PABPC4L: variants seen among roughly 807,000 people sequenced by gnomAD.
PABPC4L encodes the protein poly(A) binding protein cytoplasmic 4 like, also known as polyadenylate-binding protein 4-like.
For synonymous variants in PABPC4L, 169 were observed against 164.1 expected, an observed-to-expected ratio of 1.03 and a Z score of -0.23; for missense variants, 452 against 451.4, an observed-to-expected ratio of 1.00 and a Z score of -0.01.
At chr4:134,157,660 A>G in the PABPC4L span, among the ~76,000 whole-genome samples, 1 of 151,782 alleles carries the variant, frequency 6.6e-6, no homozygotes, top group African/African-American at 2.4e-5. Flanking sequence ...CTTGGCATCA[A>G]TTTTGTACTT....
the PABPC4L span, among the ~76,000 whole-genome samples, chr4:133,970,035 A>T: frequency 2.0e-5 from 3 of 147,108 alleles, no homozygotes; most frequent in Admixed American, 1.4e-4. Flanking sequence ...AAATATATAT[A>T]TATTTATTTA....
At chr4:134,064,100 C>T in the PABPC4L span, among the ~76,000 whole-genome samples, 3 of 151,908 alleles carry the variant, frequency 2.0e-5, no homozygotes, top group South Asian at 2.1e-4. Context: ...AACTTATTCT[C>T]CACGATAATT....
the PABPC4L span, among the ~76,000 whole-genome samples, chr4:134,134,027 A>C: frequency 6.6e-6 from 1 of 152,066 alleles, no homozygotes; most frequent in Non-Finnish European, 1.5e-5. Context: ...TATTTTGCCT[A>C]TTTAAGCCAT....
chr4:134,115,201 A>T, the PABPC4L span, among the ~76,000 whole-genome samples: 18 of 152,038 alleles, frequency 1.2e-4, no homozygotes, highest in East Asian at 2.3e-3. Flanking sequence ...ATCAAAATGT[A>T]TTTATTCATT....
the PABPC4L span, among the ~76,000 whole-genome samples, chr4:134,156,221 C>T: frequency 6.6e-6 from 1 of 151,854 alleles, no homozygotes; most frequent in African/African-American, 2.4e-5. Flanking sequence ...AAAGTAATCT[C>T]GACCTAAGGG....
chr4:134,111,587 G>A, the PABPC4L span, among the ~76,000 whole-genome samples: 1 of 151,886 alleles, frequency 6.6e-6, no homozygotes, highest in Admixed American at 6.6e-5. Context: ...ATCTTGATAT[G>A]ATATAAATTT....
the PABPC4L span, among the ~76,000 whole-genome samples, chr4:134,052,465 T>G: frequency 6.6e-6 from 1 of 152,106 alleles, no homozygotes; most frequent in Admixed American, 6.6e-5. Flanking sequence ...TTTAATAATT[T>G]AATCTTTCAC....
chr4:134,074,742 CCTT>C, the PABPC4L span, among the ~76,000 whole-genome samples: 5 of 152,138 alleles, frequency 3.3e-5, no homozygotes, highest in East Asian at 1.9e-4. Context: ...GGAAACAAGT[CCTT>C]CTTCACATGG....
At chr4:134,021,595 A>G in the PABPC4L span, among the ~76,000 whole-genome samples, 42 of 152,276 alleles carry the variant, frequency 2.8e-4, no homozygotes, top group East Asian at 2.3e-3. Flanking sequence ...GGTGTTCTCA[A>G]TGATCTGAGG....
At chr4:134,094,184 A>G in the PABPC4L span, among the ~76,000 whole-genome samples, 1 of 151,992 alleles carries the variant, frequency 6.6e-6, no homozygotes, top group East Asian at 1.9e-4. Flanking sequence ...GCTTGATGAA[A>G]TGTTACAAAT....
downstream of PABPC4L, among the ~76,000 whole-genome samples, chr4:134,194,809 A>C (rs1729612116): frequency 6.6e-6 from 1 of 151,766 alleles, no homozygotes; most frequent in Non-Finnish European, 1.5e-5. Context: ...GACAAAGGGA[A>C]ATAGTAGCAC....
At chr4:134,093,572 T>TC in the PABPC4L span, among the ~76,000 whole-genome samples, 320 of 13,634 alleles carry the variant, frequency 0.023, 2 homozygotes, top group African/African-American at 0.11. Context: ...TTTCTTTCTC[T>TC]TTTTTTTTTT....
At chr4:134,180,299 TA>T in the PABPC4L span, among the ~76,000 whole-genome samples, 1 of 151,578 alleles carries the variant, frequency 6.6e-6, no homozygotes, top group Non-Finnish European at 1.5e-5. Context: ...TTTGGGTAAA[TA>T]ATGAAATAAA....
chr4:134,071,536 A>G, the PABPC4L span, among the ~76,000 whole-genome samples: 2 of 152,096 alleles, frequency 1.3e-5, no homozygotes, highest in South Asian at 4.1e-4. Context: ...TGATCATTGT[A>G]CCTCTCACAC....
At chr4:134,036,968 A>G in the PABPC4L span, among the ~76,000 whole-genome samples, 31 of 151,792 alleles carry the variant, frequency 2.0e-4, no homozygotes, top group African/African-American at 4.8e-5. Context: ...AGGCAGATGA[A>G]TCATTTGAAC....
At chr4:134,116,484 C>T in the PABPC4L span, among the ~76,000 whole-genome samples, 2 of 151,770 alleles carry the variant, frequency 1.3e-5, no homozygotes, top group South Asian at 4.1e-4. Flanking sequence ...GAACTAAAGC[C>T]ATCGGAATCA....
At chr4:134,181,527 AG>A in the PABPC4L span, among the ~76,000 whole-genome samples, 9 of 152,066 alleles carry the variant, frequency 5.9e-5, no homozygotes, top group Admixed American at 4.6e-4. Context: ...CAAAGTAATC[AG>A]GCAAGACTAA....
the PABPC4L span, among the ~76,000 whole-genome samples, chr4:134,092,013 G>C: frequency 6.6e-6 from 1 of 151,902 alleles, no homozygotes; most frequent in African/African-American, 2.4e-5. Flanking sequence ...AAGAGTTATT[G>C]ATAGATTTTC....
the PABPC4L span, among the ~76,000 whole-genome samples, chr4:134,111,000 C>T: frequency 6.6e-6 from 1 of 151,980 alleles, no homozygotes; most frequent in Non-Finnish European, 1.5e-5. Flanking sequence ...TGTGCTGCTA[C>T]TACAAAATAT....
Sources: gnomAD v4.1 joint callset for allele counts (sites outside exome capture counted in the v4.1 genomes callset) on GRCh38, gnomAD v4.1.1 for gene constraint, MANE v1.5 for transcripts, NCBI Gene and HGNC (gene_info 2026-07-23, HGNC 2026-07-21) for gene names.